GUCY2C: variants seen among roughly 807,000 people sequenced by gnomAD.
GUCY2C encodes guanylate cyclase 2C, also known as guanylyl cyclase C.
GUCY2C carries 118 observed loss-of-function variants against 131.1 expected under a neutral mutation model. That is an observed-to-expected ratio of 0.90 (90% CI 0.78 to 1.05). GUCY2C has a LOEUF of 1.05. GUCY2C is among the 50% of genes least tolerant of loss of function. GUCY2C has a pLI of 0.00. For synonymous variants in GUCY2C, 452 were observed against 457.8 expected (o/e 0.99, Z 0.16); for missense variants, 1,161 against 1,304.4 (o/e 0.89, Z 1.69).
At chr12:14,658,961 C>T (rs1947812633) in intron 11 of GUCY2C, among the ~76,000 whole-genome samples, 2 of 151,846 alleles carry the variant, frequency 1.3e-5, no homozygotes, top group South Asian at 4.2e-4. Flanking sequence ...ATCCCTACAA[C>T]AGCTCAGATG....
chr12:14,643,611 A>C lies in GUCY2C; in HGVS notation c.1893T>G (p.Thr631=), dbSNP rs762446939. The change falls in exon 17 of 27, where the codon ACT becomes ACG. Residue 631 remains threonine, a synonymous_variant. Coordinates refer to ENST00000261170, the MANE Select transcript of GUCY2C (RefSeq NM_004963.4). The part of the protein sequence containing the change: ...VVDSRMVVKI[T]DFGCNSILPP... ...GTAAAATGGAATTGCAGCCAAAATCAGTGATCTTCACCACCATTCTACTGT... is the reference window on the plus strand; with the variant it reads ...GTAAAATGGAATTGCAGCCAAAATCCGTGATCTTCACCACCATTCTACTGT... The C allele has an allele frequency of 6.2e-7, 1 of 1,613,756 alleles. No homozygotes were observed. The highest frequency in any genetic ancestry group is 1.1e-5 in the South Asian group (1 of 91,086).
Position 14,645,937 on chromosome 12 carries a change from G to C in GUCY2C, c.1711-622C>G, listed in dbSNP as rs538882953. On this transcript the variant is annotated intron_variant, in intron 15 of 26. Transcript: ENST00000261170. ...TGCAACCTGTGCCTCCGGGGTTCCA[G>C]CCATTCTCCTGCCTCAGCCTGCTGA... Among the ~76,000 whole-genome samples, 33 of 152,094 alleles carry C rather than the reference G, an allele frequency of 2.2e-4. 1 individual carries two copies. The highest frequency in any genetic ancestry group is 5.9e-4 in the Admixed American group (9 of 15,266).
chr12:14,696,444 T>G lies in GUCY2C; in HGVS notation c.5A>C (p.Lys2Thr). Residue 2 changes from lysine (K) to threonine (T), a missense_variant, in exon 1 of 27, where the codon AAG becomes ACG. Coordinates refer to ENST00000261170, the MANE Select transcript of GUCY2C (RefSeq NM_004963.4). ...CAAAGCCAAGTCCAACAGCAACGTCTTCATGACCCCAATCACGTTAGAACC... is the reference window on the plus strand; with the variant it reads ...CAAAGCCAAGTCCAACAGCAACGTCGTCATGACCCCAATCACGTTAGAACC... The part of the protein sequence containing the change: M[K>T]TLLLDLALWS... 1 of 1,612,896 alleles carries G rather than the reference T, an allele frequency of 6.2e-7. No individual in the cohort carries two copies. The highest frequency in any genetic ancestry group is 2.2e-5 in the East Asian group (1 of 44,864).
intron 1 of GUCY2C, among the ~76,000 whole-genome samples, chr12:14,691,134 C>G (rs1948567371): frequency 6.6e-6 from 1 of 152,192 alleles, no homozygotes; most frequent in Admixed American, 6.6e-5. Flanking sequence ...CTTTGCACTT[C>G]TACAGCCACT....
chr12:14,630,718 G>A (rs1449821577), intron 19 of GUCY2C, among the ~76,000 whole-genome samples: 5 of 152,278 alleles, frequency 3.3e-5, no homozygotes, highest in Admixed American at 1.3e-4. Flanking sequence ...TATGGATGGA[G>A]AGACGACTCT....
intron 10 of GUCY2C, among the ~76,000 whole-genome samples, chr12:14,664,494 T>C (rs1947930166): frequency 6.6e-6 from 1 of 151,458 alleles, no homozygotes; most frequent in Admixed American, 6.6e-5. Flanking sequence ...ATTATAATAT[T>C]TATATATAGT....
intron 9 of GUCY2C, among the ~76,000 whole-genome samples, chr12:14,670,145 C>T (rs556188665): frequency 7.9e-5 from 12 of 152,266 alleles, no homozygotes; most frequent in African/African-American, 2.9e-4. Flanking sequence ...AAATGTTAAA[C>T]TAGAGGCTAA....
intron 11 of GUCY2C, among the ~76,000 whole-genome samples, chr12:14,660,153 T>C (rs1244119254): frequency 2.0e-5 from 3 of 152,200 alleles, no homozygotes; most frequent in Non-Finnish European, 2.9e-5. Flanking sequence ...CATGAGAAAG[T>C]ATAATGACAC....
At chr12:14,691,911 C>T (rs932929033) in intron 1 of GUCY2C, among the ~76,000 whole-genome samples, 1 of 152,188 alleles carries the variant, frequency 6.6e-6, no homozygotes, top group Non-Finnish European at 1.5e-5. Flanking sequence ...TTCACTTAAT[C>T]CTCTCTGAAT....
At position 14,613,110 on chromosome 12, in the gene GUCY2C, T is replaced by G; in HGVS notation, c.*7A>C. On this transcript the variant is annotated 3_prime_UTR_variant, in exon 27 of 27. Coordinates refer to ENST00000261170, the MANE Select transcript of GUCY2C (RefSeq NM_004963.4). The surrounding 1 kb of genome is among the most constrained non-coding windows in gnomAD (Gnocchi z 4.9). ...AATTTGTGTGAGTCCTTATACCTCA[T>G]TTAGGTTTAAAAATAGGTGCTCTCC... The G allele has an allele frequency of 6.2e-7, 1 of 1,609,932 alleles. No individual in the cohort carries two copies.
rs143916759 is a variant in GUCY2C, at chr12:14,687,676, T to G, written c.330+275A>C. 4.2e-3 allele frequency among the ~76,000 whole-genome samples: 637 copies of G among 152,234 alleles called. 4 individuals carry two copies. The highest frequency in any genetic ancestry group is 0.015 in the African/African-American group (625 of 41,546). On this transcript the variant is annotated intron_variant, in intron 2 of 26. Coordinates refer to ENST00000261170, the MANE Select transcript of GUCY2C (RefSeq NM_004963.4). ...AAACAAAACAAAATTTTTAAAACAATTTAAAGCAAAAGAATTCCTCTCCTT... is the reference window on the plus strand; with the variant it reads ...AAACAAAACAAAATTTTTAAAACAAGTTAAAGCAAAAGAATTCCTCTCCTT...
intron 11 of GUCY2C, among the ~76,000 whole-genome samples, chr12:14,658,325 T>C (rs1036280053): frequency 6.6e-6 from 1 of 152,204 alleles, no homozygotes; most frequent in African/African-American, 2.4e-5. Context: ...GTATTTTTTC[T>C]TTGACTTTTC....
rs775561360 is a variant in GUCY2C at position 14,683,095 on chromosome 12, G to A, written c.558C>T (p.Ser186=). The change falls in exon 4 of 27, where the codon TCC becomes TCT. Residue 186 remains serine (S), a synonymous_variant. Coordinates refer to ENST00000261170, the MANE Select transcript of GUCY2C (RefSeq NM_004963.4). ...TCTTGTAAACATACGAAGTGCTCCA[G>A]GAATAAGTTTTGAAGGGCAGATCGT... ...KTNDLPFKTY[S]WSTSYVYKNG... The A allele has an allele frequency of 1.5e-5, 25 of 1,613,602 alleles. No homozygotes were observed. The Admixed American group carries it at 3.8e-4, about 25-fold the overall frequency.
In GUCY2C at chr12:14,672,950, C is replaced by T. The variant is rs749532194; in HGVS notation, c.1093G>A (p.Gly365Ser). The change falls in exon 9 of 27, where the codon GGT becomes AGT. Residue 365 changes from glycine to serine, a missense_variant. Physicochemically the swap from Gly to Ser is moderately conservative, Grantham distance 56. Coordinates refer to ENST00000261170, the MANE Select transcript of GUCY2C (RefSeq NM_004963.4). ...CCCCAGTCATCCAAGGTCACTGGAC[C>T]GTCATACCCTAGGGCAAGATCAGAG... The part of the protein sequence containing the change: ...FRNLTFEGYD[G>S]PVTLDDWGDV... 13 of 1,592,976 alleles carry T rather than the reference C, an allele frequency of 8.2e-6. No individual in the cohort carries two copies. The highest frequency in any genetic ancestry group is 3.3e-5 in the Admixed American group (2 of 59,944).
chr12:14,658,275 GT>G (rs1231018360), intron 11 of GUCY2C, among the ~76,000 whole-genome samples: 1 of 151,878 alleles, frequency 6.6e-6, no homozygotes, highest in Non-Finnish European at 1.5e-5. Context: ...CTTTAACTTT[GT>G]TTTACAGAAA....
At chr12:14,621,922 TAGTA>T (rs1946904450) in intron 22 of GUCY2C, 79 bp downstream of exon 22, 1 of 891,560 alleles carries the variant, frequency 1.1e-6, no homozygotes, top group Admixed American at 2.8e-5. Context: ...CGGTCAAGAG[TAGTA>T]ACAGAAACAA....
chr12:14,666,798 C>T (rs1159998162), intron 10 of GUCY2C, among the ~76,000 whole-genome samples: 2 of 151,626 alleles, frequency 1.3e-5, no homozygotes, highest in African/African-American at 2.4e-5. Context: ...CCTGTACCCT[C>T]GCTACCTGCC....
At chr12:14,641,763 C>T (rs796964393) in intron 17 of GUCY2C, among the ~76,000 whole-genome samples, 1 of 151,896 alleles carries the variant, frequency 6.6e-6, no homozygotes, top group Non-Finnish European at 1.5e-5. Flanking sequence ...ATGGTGAAAC[C>T]CTGTCTCTAC....
intron 1 of GUCY2C, among the ~76,000 whole-genome samples, chr12:14,695,074 C>T (rs1948633040): frequency 6.6e-6 from 1 of 151,986 alleles, no homozygotes; most frequent in Admixed American, 6.6e-5. Flanking sequence ...TATATCAATT[C>T]ACATGATGAC....
Sources: allele counts gnomAD v4.1 joint callset (sites outside exome capture counted in the v4.1 genomes callset), GRCh38; gene constraint gnomAD v4.1.1; non-coding constraint Gnocchi (gnomAD v3.1); transcripts MANE v1.5; gene names NCBI Gene and HGNC (gene_info 2026-07-23, HGNC 2026-07-21).